SYT2: variants seen among roughly 807,000 people sequenced by gnomAD.
SYT2 encodes the protein synaptotagmin 2.
Under a neutral mutation model 39.9 loss-of-function variants are expected in SYT2, and 15 were observed. That is an observed-to-expected ratio of 0.38 (90% CI 0.25 to 0.58). The LOEUF is 0.58. Among genes scored for constraint, SYT2 ranks in the 20% least tolerant of loss-of-function variants. SYT2 has a pLI of 0.70. For missense variants in SYT2, 389 were observed against 530.3 expected, an observed-to-expected ratio of 0.73 and a Z score of 2.62; for synonymous variants, 181 against 204.5, an observed-to-expected ratio of 0.89 and a Z score of 0.98.
intron 1 of SYT2, among the ~76,000 whole-genome samples, chr1:202,675,385 A>G (rs1347477073): frequency 6.7e-6 from 1 of 148,532 alleles, no homozygotes; most frequent in African/African-American, 2.4e-5. Context: ...ATATTATAAT[A>G]ATTATATAAT....
intron 1 of SYT2, among the ~76,000 whole-genome samples, chr1:202,666,461 T>C (rs997079320): frequency 2.0e-5 from 3 of 152,188 alleles, no homozygotes; most frequent in East Asian, 3.9e-4. Context: ...CCACACATAA[T>C]GTACAGAGAG....
At chr1:202,620,152 G>A (rs1487311312) in intron 1 of SYT2, among the ~76,000 whole-genome samples, 1 of 152,208 alleles carries the variant, frequency 6.6e-6, no homozygotes, top group Non-Finnish European at 1.5e-5. Context: ...ATCCACGCAG[G>A]AATTCCCTTC....
Position 202,596,943 on chromosome 1 carries a change from G to A in SYT2, c.1074C>T (p.Thr358=), listed in dbSNP as rs779972467. The change falls in exon 9 of 9, where the codon ACC becomes ACT. Residue 358 remains threonine (T), a synonymous_variant. Coordinates refer to ENST00000367268, the MANE Select transcript of SYT2 (RefSeq NM_177402.5). ...TGCCCAGCTTGTCATAGTCCAGCAC[G>A]GTGACCACTACCTGGACTTTCTGCA... The part of the protein sequence containing the change: ...EQIQKVQVVV[T]VLDYDKLGKN... The A allele has an allele frequency of 1.5e-5, 25 of 1,613,984 alleles. No homozygotes were observed. The highest frequency in any genetic ancestry group is 3.3e-5 in the Admixed American group (2 of 60,028).
intron 1 of SYT2, among the ~76,000 whole-genome samples, chr1:202,675,042 GCTTT>G (rs1653327762): frequency 6.6e-6 from 1 of 152,162 alleles, no homozygotes; most frequent in African/African-American, 2.4e-5. Flanking sequence ...GAGGGCCATG[GCTTT>G]CTTGTTTATT....
At chr1:202,660,426 C>T (rs1692355178) in intron 1 of SYT2, among the ~76,000 whole-genome samples, 1 of 152,188 alleles carries the variant, frequency 6.6e-6, no homozygotes, top group Admixed American at 6.5e-5. Flanking sequence ...GCTACTACCC[C>T]AGCAGGTGAG....
chr1:202,698,409 C>T (rs560410129), intron 1 of SYT2, among the ~76,000 whole-genome samples: 3 of 152,286 alleles, frequency 2.0e-5, no homozygotes, highest in East Asian at 1.9e-4. Context: ...CGTCTGAAGG[C>T]GGTTCCTCCA....
At chr1:202,607,489 T>C (rs1218322075) in intron 1 of SYT2, among the ~76,000 whole-genome samples, 1 of 152,214 alleles carries the variant, frequency 6.6e-6, no homozygotes, top group Non-Finnish European at 1.5e-5. Flanking sequence ...GAGTTAACTC[T>C]CCTCTAGACT....
At chr1:202,650,424 T>C (rs1692168306) in intron 1 of SYT2, among the ~76,000 whole-genome samples, 1 of 149,950 alleles carries the variant, frequency 6.7e-6, no homozygotes, top group Non-Finnish European at 1.5e-5. Context: ...GCCAAACATT[T>C]GTTTCATATG....
At chr1:202,700,879 A>G (rs747865616) in intron 1 of SYT2, among the ~76,000 whole-genome samples, 3 of 152,200 alleles carry the variant, frequency 2.0e-5, no homozygotes, top group Non-Finnish European at 4.4e-5. Context: ...TTGATATGAC[A>G]TCACTGCTCC....
At chr1:202,707,926 C>T (rs1654294240) in intron 1 of SYT2, among the ~76,000 whole-genome samples, 1 of 152,162 alleles carries the variant, frequency 6.6e-6, no homozygotes, top group African/African-American at 2.4e-5. Flanking sequence ...TCATAGACAG[C>T]CCTGTCACAC....
chr1:202,623,568 G>A lies in SYT2; in HGVS notation c.-17-17779C>T, dbSNP rs1358059589. ...TGGGAGCAGGCCGGGAAGGGTGGGC[G>A]ACCCGGAATGAGTGATTGAGTGGGG... is the stretch of plus-strand genomic sequence containing the variant. On this transcript the variant is annotated intron_variant, in intron 1 of 8. Transcript: ENST00000367268. The surrounding 1 kb of genome is among the most constrained non-coding windows in gnomAD (Gnocchi z 4.2). 2.0e-5 allele frequency among the ~76,000 whole-genome samples: 3 copies of A among 152,256 alleles called. No individual in the cohort carries two copies. Among genetic ancestry groups the A allele is most frequent in the East Asian group, 1.9e-4 (1 of 5,202 alleles).
chr1:202,667,470 T>C (rs1692501260), intron 1 of SYT2, among the ~76,000 whole-genome samples: 1 of 18,484 alleles, frequency 5.4e-5, no homozygotes, highest in African/African-American at 8.1e-5. Context: ...ACCAGCCGTG[T>C]GTGTGTGTGT....
At chr1:202,612,707 C>G (rs1170460417) in intron 1 of SYT2, among the ~76,000 whole-genome samples, 2 of 152,170 alleles carry the variant, frequency 1.3e-5, no homozygotes, top group Non-Finnish European at 2.9e-5. Context: ...ATTCTGGGTT[C>G]CTTGCATTTC....
chr1:202,708,862 C>T (rs961510615), intron 1 of SYT2, among the ~76,000 whole-genome samples: 11 of 152,202 alleles, frequency 7.2e-5, no homozygotes, highest in African/African-American at 2.7e-4. Flanking sequence ...TCTAGCAGCC[C>T]CAAAGCTGGA....
rs58802666 is a variant in SYT2, at chr1:202,626,398, CTTTTTTTTT to C, written c.-17-20618_-17-20610del. On this transcript the variant is annotated intron_variant, in intron 1 of 8. Transcript: ENST00000367268. Reference sequence around the variant, plus strand: ...TGCATCTCCCAAGACAGCCTCTCAGCTTTTTTTTTTTTTTTTTTTTTTTTTTTTGAGACA... The same window carrying C: ...TGCATCTCCCAAGACAGCCTCTCAGCTTTTTTTTTTTTTTTTTTTGAGACA... 4.1e-5 allele frequency among the ~76,000 whole-genome samples: 3 copies of C among 72,454 alleles called. No individual in the cohort carries two copies. In the South Asian group the frequency reaches 2.1e-3, roughly 51 times the overall value. The allele number at this position is 72,454 out of a possible 152,430, so 47.5% of individuals were successfully genotyped here.
intron 1 of SYT2, among the ~76,000 whole-genome samples, chr1:202,671,544 G>A (rs1193428552): frequency 3.3e-5 from 5 of 152,362 alleles, no homozygotes; most frequent in South Asian, 4.1e-4. Context: ...GCTGGAAGTC[G>A]CTTTTGCCCT....
intron 1 of SYT2, chr1:202,639,864 C>G: frequency 2.0e-6 from 2 of 982,678 alleles, no homozygotes; most frequent in Non-Finnish European, 2.4e-6. Flanking sequence ...GTGACAACTG[C>G]AGGACTGTGA....
At chr1:202,627,385 A>C in intron 1 of SYT2, 1 of 948,764 alleles carries the variant, frequency 1.1e-6, no homozygotes, top group Non-Finnish European at 1.3e-6. Context: ...ACTGCCCCCC[A>C]ACTCTGGCAA....
chr1:202,640,785 A>AGG (rs1691892793), intron 1 of SYT2, among the ~76,000 whole-genome samples: 2 of 137,196 alleles, frequency 1.5e-5, no homozygotes, highest in Non-Finnish European at 3.1e-5. Flanking sequence ...AGAGAGAGAG[A>AGG]GAGAGAGACA....
Sources: allele counts gnomAD v4.1 joint callset (sites outside exome capture counted in the v4.1 genomes callset), GRCh38; gene constraint gnomAD v4.1.1; non-coding constraint Gnocchi (gnomAD v3.1); transcripts MANE v1.5; gene names NCBI Gene and HGNC (gene_info 2026-07-23, HGNC 2026-07-21).